The following YARS1 variants were observed in gnomAD, a reference collection of about 807,000 sequenced individuals.
YARS1 encodes the protein tyrosine--tRNA ligase, cytoplasmic.
YARS1 carries 36 observed loss-of-function variants against 62.2 expected under a neutral mutation model. That is an observed-to-expected ratio of 0.58 (90% CI 0.44 to 0.76). YARS1 has a LOEUF of 0.76. Among genes scored for constraint, YARS1 ranks in the 30% least tolerant of loss-of-function variants. The pLI, the probability that YARS1 is intolerant of heterozygous loss-of-function variation, is 0.00. For synonymous variants in YARS1, 234 were observed against 244.9 expected (o/e 0.96, Z 0.42); for missense variants, 524 against 639.8 (o/e 0.82, Z 1.95).
rs778099655 is a variant in YARS1, at chr1:32,776,061, C to T, written c.1507G>A (p.Ala503Thr). 1.1e-5 allele frequency: 18 copies of T among 1,613,852 alleles called. No individual in the cohort carries two copies. Among genetic ancestry groups the T allele is most frequent in the East Asian group, 6.7e-5 (3 of 44,890 alleles). ...ATGAAGTTGGTTTGCTTCCACTGTG[C>T]GATGCACTCCTCAGAAATTTTGAAG... ...ADFKISEECI[A>T]QWKQTNFMTK... The change falls in exon 13 of 13, where the codon GCA becomes ACA. Residue 503 changes from alanine (A) to threonine (T), a missense_variant. Physicochemically the swap from Ala to Thr is moderately conservative, Grantham distance 58 (BLOSUM62 0). Transcript: ENST00000373477. This position sits in a 1 kb window ranked among gnomAD's most constrained non-coding sequence, Gnocchi z 4.0.
rs34270752 is a variant in YARS1, at chr1:32,801,942, C to CTTT, written c.511-4102_511-4100dup. Reference sequence around the variant, plus strand: ...CCTAATTGTAGTTCTCTTGTTATTTCTTTTTTTTTTTTTTTTTTTTTTTGA... The same window carrying CTTT: ...CCTAATTGTAGTTCTCTTGTTATTTCTTTTTTTTTTTTTTTTTTTTTTTTTTGA... On this transcript the variant is annotated intron_variant, in intron 4 of 12. Transcript: ENST00000373477. Among the ~76,000 whole-genome samples, 642 of 103,878 alleles carry CTTT rather than the reference C, an allele frequency of 6.2e-3. 2 individuals carry two copies. The highest frequency in any genetic ancestry group is 8.1e-3 in the Non-Finnish European group (426 of 52,356). 68.1% of individuals were successfully genotyped at this position (103,878 alleles called of 152,430 possible).
intron 4 of YARS1, among the ~76,000 whole-genome samples, chr1:32,799,371 G>C (rs1034747053): frequency 1.3e-5 from 2 of 152,140 alleles, no homozygotes; most frequent in African/African-American, 4.8e-5. Flanking sequence ...CAGCACTGTA[G>C]GAAGATCTCA....
At chr1:32,814,005 C>T (rs1187943891) in intron 1 of YARS1, among the ~76,000 whole-genome samples, 1 of 152,156 alleles carries the variant, frequency 6.6e-6, no homozygotes, top group Admixed American at 6.5e-5. Context: ...TCTTACTCTA[C>T]AGTCTCCTTA....
intron 5 of YARS1, among the ~76,000 whole-genome samples, chr1:32,796,737 G>C (rs975628482): frequency 6.6e-6 from 1 of 151,362 alleles, no homozygotes; most frequent in African/African-American, 2.4e-5. Context: ...GCTGAGATGG[G>C]TGGATCACCT....
intron 4 of YARS1, among the ~76,000 whole-genome samples, chr1:32,804,232 C>T (rs1638384779): frequency 1.3e-5 from 2 of 152,402 alleles, no homozygotes; most frequent in South Asian, 2.1e-4. Flanking sequence ...TCATCATGGC[C>T]CGTTCTCAAC....
chr1:32,795,002 CAAAAAAAA>C (rs71278770), intron 5 of YARS1, among the ~76,000 whole-genome samples: 11 of 22,890 alleles, frequency 4.8e-4, no homozygotes, highest in Non-Finnish European at 6.9e-4. Flanking sequence ...GACTCTGTCT[CAAAAAAAA>C]AAAAAAAAAA....
Position 32,784,374 on chromosome 1 carries a change from C to CA in YARS1, c.907-1836dup, listed in dbSNP as rs1653154308. The stretch of plus-strand genomic sequence containing the variant: ...TTGGACCTGAATTCAGAGTCAATCA[C>CA]AAAACCCCCCATTTTATTCCTATAT... On this transcript the variant is annotated intron_variant, in intron 8 of 12. Transcript: ENST00000373477. 3.3e-5 allele frequency among the ~76,000 whole-genome samples: 5 copies of CA among 152,048 alleles called. No homozygotes were observed. In the South Asian group the frequency reaches 1.0e-3, roughly 32 times the overall value.
intron 6 of YARS1, chr1:32,790,601 T>G (rs572358911): frequency 6.6e-6 from 1 of 150,792 alleles, no homozygotes; most frequent in Non-Finnish European, 1.5e-5. Context: ...AGAACTACTT[T>G]ATCAGAATCT....
In YARS1 at chr1:32,779,372, A is replaced by AG; in HGVS notation, c.1476+9dup. On this transcript the variant is annotated intron_variant, in intron 12 of 12. Transcript: ENST00000373477. The stretch of plus-strand genomic sequence containing the variant: ...CCCAGCCAAGAAAGGGAACAATTAC[A>AG]GCTTTTTACCTGCAACTTCTCGAAG... 1 of 1,614,198 alleles carries AG rather than the reference A, an allele frequency of 6.2e-7. No homozygotes were observed. Among genetic ancestry groups the AG allele is most frequent in the Non-Finnish European group, 8.5e-7 (1 of 1,180,036 alleles).
intron 1 of YARS1, among the ~76,000 whole-genome samples, chr1:32,812,552 T>C (rs1638609549): frequency 6.6e-6 from 1 of 152,240 alleles, no homozygotes; most frequent in African/African-American, 2.4e-5. Flanking sequence ...TTGCATTCTG[T>C]AGAGAAATCT....
chr1:32,780,142 A>C lies in YARS1; in HGVS notation c.1277T>G (p.Leu426Arg). 1 of 1,614,180 alleles carries C rather than the reference A, an allele frequency of 6.2e-7. No homozygotes were observed. Among genetic ancestry groups the C allele is most frequent in the Admixed American group, 1.7e-5 (1 of 60,022 alleles). Residue 426 changes from leucine to arginine, a missense_variant, in exon 11 of 13, where the codon CTG becomes CGG. Transcript: ENST00000373477. ...GACTCCTCTCATCTTCTGGGGTTTC[A>C]GGTTGCACAGCACCACTACCAGCCT... ...QDRLVVVLCNLKPQKMRGVES... is the reference protein window; with the variant it reads ...QDRLVVVLCNRKPQKMRGVES...
intron 5 of YARS1, among the ~76,000 whole-genome samples, chr1:32,795,683 G>C (rs951573071): frequency 6.6e-6 from 1 of 151,746 alleles, no homozygotes; most frequent in South Asian, 2.1e-4. Context: ...GCACGCGCCT[G>C]TAGTCCCAGC....
At chr1:32,807,928 G>C (rs1165616179) in intron 3 of YARS1, among the ~76,000 whole-genome samples, 1 of 151,624 alleles carries the variant, frequency 6.6e-6, no homozygotes, top group Non-Finnish European at 1.5e-5. Context: ...TTTTGTTTTT[G>C]AGACAGGATC....
chr1:32,790,745 C>A (rs1653389630), intron 6 of YARS1: 1 of 201,498 alleles, frequency 5.0e-6, no homozygotes, highest in Admixed American at 5.4e-5. Flanking sequence ...ATGATCAGAA[C>A]CAAAGTGAAC....
chr1:32,816,916 TA>T, intron 1 of YARS1: 1 of 586,688 alleles, frequency 1.7e-6, no homozygotes, highest in Non-Finnish European at 3.0e-6. Context: ...TGGCACTTAA[TA>T]GGGGGGTGGA....
chr1:32,780,808 C>G (rs368724803), intron 10 of YARS1: 6 of 568,380 alleles, frequency 1.1e-5, no homozygotes, highest in South Asian at 5.7e-5. Context: ...AACAGATAAA[C>G]AAGTTCCCTC....
chr1:32,792,537 G>C (rs1388772884), intron 5 of YARS1, among the ~76,000 whole-genome samples: 1 of 151,080 alleles, frequency 6.6e-6, no homozygotes, highest in Admixed American at 6.7e-5. Flanking sequence ...AGCAGATTCA[G>C]AAACAATCCA....
chr1:32,792,186 G>T (rs1208203772), intron 5 of YARS1, among the ~76,000 whole-genome samples: 1 of 152,198 alleles, frequency 6.6e-6, no homozygotes, highest in Non-Finnish European at 1.5e-5. Context: ...GTATTGGGGA[G>T]ACAGAGATGG....
intron 4 of YARS1, among the ~76,000 whole-genome samples, chr1:32,802,688 G>C (rs1345862571): frequency 6.6e-6 from 1 of 152,166 alleles, no homozygotes. Context: ...GTTTTGAAAA[G>C]AATCTTTCTT....
Sources: allele counts gnomAD v4.1 joint callset (sites outside exome capture counted in the v4.1 genomes callset), GRCh38; gene constraint gnomAD v4.1.1; non-coding constraint Gnocchi (gnomAD v3.1); transcripts MANE v1.5; gene names NCBI Gene and HGNC (gene_info 2026-07-23, HGNC 2026-07-21).